The following TPRX1 variants were observed in gnomAD, a reference collection of about 807,000 sequenced individuals.
The protein encoded by TPRX1 is tetrapeptide repeat homeobox 1.
In TPRX1, 2 loss-of-function variants were observed where a neutral mutation model predicts 8.1. The ratio of observed to expected loss-of-function variants is 0.25; its 90% CI spans 0.10 to 0.78. The LOEUF (loss-of-function observed/expected upper bound fraction) is 0.78. Among genes scored for constraint, TPRX1 ranks in the 30% least tolerant of loss-of-function variants. The probability of loss-of-function intolerance (pLI) is 0.70; values close to 1 mark genes in which losing one functional copy is unlikely to be tolerated. For synonymous variants in TPRX1, 257 were observed against 254.1 expected, an observed-to-expected ratio of 1.01 and a Z score of -0.11; for missense variants, 517 against 586.9, an observed-to-expected ratio of 0.88 and a Z score of 1.23.
intron 2 of TPRX1, among the ~76,000 whole-genome samples, chr19:47,812,332 C>T (rs1044431608): frequency 1.3e-5 from 2 of 152,100 alleles, no homozygotes; most frequent in Admixed American, 1.3e-4. Context: ...CGCTATGGCT[C>T]ATGCCTGTAA....
intron 2 of TPRX1, among the ~76,000 whole-genome samples, chr19:47,814,228 G>A (rs1201803023): frequency 3.9e-5 from 6 of 151,902 alleles, no homozygotes; most frequent in African/African-American, 1.2e-4. Context: ...GCATATTTTC[G>A]TATTTCAGTA....
At chr19:47,807,559 G>A (rs1967746181) in intron 2 of TPRX1, among the ~76,000 whole-genome samples, 2 of 151,922 alleles carry the variant, frequency 1.3e-5, no homozygotes, top group Admixed American at 6.6e-5. Context: ...TTTTAGTAGA[G>A]ATGGGGTTTC....
chr19:47,805,630 A>G (rs1055007979), intron 2 of TPRX1, among the ~76,000 whole-genome samples: 3 of 152,280 alleles, frequency 2.0e-5, no homozygotes, highest in South Asian at 4.1e-4. Context: ...GGCCTCGCTC[A>G]TTGTTTTCAC....
chr19:47,813,816 T>C (rs1967806800), intron 2 of TPRX1, among the ~76,000 whole-genome samples: 1 of 151,866 alleles, frequency 6.6e-6, no homozygotes, highest in Non-Finnish European at 1.5e-5. Flanking sequence ...CTAAGAGGAT[T>C]GGAACATTTG....
chr19:47,803,736 C>G (rs1242363688), intron 2 of TPRX1, 63 bp from the exon 2 acceptor site: 1 of 758,200 alleles, frequency 1.3e-6, no homozygotes. Flanking sequence ...CCCTAGGGAC[C>G]CCGTCCCCTG....
exon 4 of TPRX1, chr19:47,802,410 C>T: frequency 7.7e-7 from 1 of 1,292,618 alleles, no homozygotes; most frequent in Non-Finnish European, 1.1e-6. Flanking sequence ...GGGATCGGGA[C>T]TGAGATTGGG....
intron 2 of TPRX1, among the ~76,000 whole-genome samples, chr19:47,809,000 G>A (rs1346125190): frequency 6.6e-6 from 1 of 152,024 alleles, no homozygotes; most frequent in African/African-American, 2.4e-5. Context: ...TAATGTATTT[G>A]TTGTTTTGTT....
At chr19:47,803,730 A>G (rs1967706661) in intron 2 of TPRX1, 57 bp from the exon 2 acceptor site, 1 of 762,050 alleles carries the variant, frequency 1.3e-6, no homozygotes. Context: ...CAGCCCCCCT[A>G]GGGACCCCGT....
chr19:47,818,391 C>CATCT (rs2123723553), intron 2 of TPRX1: 1 of 427,420 alleles, frequency 2.3e-6, no homozygotes, highest in South Asian at 1.6e-5. Flanking sequence ...TCCATCCCTC[C>CATCT]ATCCATCCAT....
At chr19:47,815,123 T>TATATATATATGCAA (rs1555800008) in intron 2 of TPRX1, among the ~76,000 whole-genome samples, 4 of 93,804 alleles carry the variant, frequency 4.3e-5, no homozygotes, top group South Asian at 3.7e-4. Flanking sequence ...ATTATATATA[T>TATATATATATGCAA]ATATATATAT....
Position 47,802,346 on chromosome 19 carries a change from G to A in TPRX1, c.956C>T (p.Pro319Leu), listed in dbSNP as rs199739873. Residue 319 changes from proline to leucine, a missense_variant, in exon 4 of 4, where the codon CCG becomes CTG. Physicochemically the swap from Pro to Leu is moderately conservative, Grantham distance 98. Coordinates refer to ENST00000535759, the Ensembl canonical transcript of TPRX1. The stretch of plus-strand genomic sequence containing the variant: ...TGGGCCTGGGATTGGGCCTGGGATC[G>A]GGCCTGGGTTTGGGCCTGAGATTGG... The A allele has an allele frequency of 1.1e-4, 142 of 1,330,264 alleles. No homozygotes were observed. In the Middle Eastern group the frequency reaches 2.8e-3, roughly 26 times the overall value. 82.4% of individuals were successfully genotyped at this position (1,330,264 alleles called of 1,614,324 possible).
intron 2 of TPRX1, among the ~76,000 whole-genome samples, chr19:47,811,533 C>G (rs1967782736): frequency 7.0e-6 from 1 of 143,352 alleles, no homozygotes; most frequent in Non-Finnish European, 1.5e-5. Flanking sequence ...GCGTCTCACT[C>G]TGTTGCCCCG....
intron 2 of TPRX1, among the ~76,000 whole-genome samples, chr19:47,810,733 C>G (rs1025215595): frequency 1.3e-5 from 2 of 152,016 alleles, no homozygotes; most frequent in African/African-American, 4.8e-5. Flanking sequence ...CTCCTGCCCC[C>G]AAGAGGCCCA....
chr19:47,808,648 GT>G (rs1196333986), intron 2 of TPRX1, among the ~76,000 whole-genome samples: 6 of 130,518 alleles, frequency 4.6e-5, no homozygotes, highest in Admixed American at 3.3e-4. Context: ...TAGAGATGGG[GT>G]TTCACCATGT....
Position 47,802,504 on chromosome 19 carries a change from G to A in TPRX1, c.798C>T (p.Gly266=), listed in dbSNP as rs1967685207. The change falls in exon 4 of 4, where the codon GGC becomes GGT. Residue 266 remains glycine, a synonymous_variant. Coordinates refer to ENST00000535759, the Ensembl canonical transcript of TPRX1. The stretch of plus-strand genomic sequence containing the variant: ...GGCCTGGGTTTGGGCCTGAGAATGG[G>A]CCTGAGATTGGGCCTGGGATCGGGG... 3 of 1,547,970 alleles carry A rather than the reference G, an allele frequency of 1.9e-6. No homozygotes were observed. In the East Asian group the frequency reaches 7.4e-5, roughly 38 times the overall value.
intron 2 of TPRX1, among the ~76,000 whole-genome samples, chr19:47,808,261 C>CACA (rs1235711897): frequency 1.3e-5 from 2 of 151,892 alleles, no homozygotes; most frequent in African/African-American, 4.8e-5. Flanking sequence ...ATTACAGGCA[C>CACA]CCACCATGAT....
In TPRX1 at chr19:47,802,241, CCT is replaced by C; in HGVS notation, c.1059_1060del (p.Gly354ProfsTer123). On this transcript the variant is annotated frameshift_variant, in exon 4 of 4. Transcript: ENST00000535759. LOFTEE classifies it low-confidence loss of function (END_TRUNC). The stretch of plus-strand genomic sequence containing the variant: ...AATTGGGCCTGGGCCTGAGATTGGG[CCT>C]GGGATTGGGCCTGGGATCAGGCCTG... 6.2e-7 allele frequency: 1 copy of C among 1,604,078 alleles called. No homozygotes were observed. The highest frequency in any genetic ancestry group is 2.2e-5 in the East Asian group (1 of 44,504).
At chr19:47,810,344 A>ATTTTT (rs762098389) in intron 2 of TPRX1, among the ~76,000 whole-genome samples, 2 of 93,346 alleles carry the variant, frequency 2.1e-5, no homozygotes, top group Admixed American at 1.3e-4. Context: ...TTATCCATCA[A>ATTTTT]TTTTTTTTTT....
Position 47,802,788 on chromosome 19 carries a change from G to A in TPRX1, c.514C>T (p.Gln172Ter), listed in dbSNP as rs766399176. ...CTGCACCCAGGGCCACCCCAGGCCT[G>A]GTGGAGGCTGCAGATCGTGGGTTCC... The change falls in exon 4 of 4, where the codon CAG (glutamine) becomes TAG (stop). Residue 172 changes from glutamine to a stop codon, truncating the protein, a stop_gained. Transcript: ENST00000535759. LOFTEE classifies it low-confidence loss of function (END_TRUNC). 1.2e-6 allele frequency: 2 copies of A among 1,604,056 alleles called. No individual in the cohort carries two copies. Among genetic ancestry groups the A allele is most frequent in the Non-Finnish European group, 1.7e-6 (2 of 1,175,166 alleles).
Sources: allele counts gnomAD v4.1 joint callset (sites outside exome capture counted in the v4.1 genomes callset), GRCh38; gene constraint gnomAD v4.1.1; transcripts MANE v1.5; gene names NCBI Gene and HGNC (gene_info 2026-07-23, HGNC 2026-07-21).